Variants in ATF2 observed in about 807,000 individuals in gnomAD.
The protein encoded by ATF2 is cyclic AMP-dependent transcription factor ATF-2.
Under a neutral mutation model 60.6 loss-of-function variants are expected in ATF2, and 24 were observed. The ratio of observed to expected loss-of-function variants is 0.40; its 90% CI spans 0.29 to 0.56. ATF2 has a LOEUF of 0.56. Ranked by LOEUF, ATF2 falls within the 20% of genes least tolerant of loss-of-function variation. ATF2 has a pLI of 0.54. For synonymous variants in ATF2, 206 were observed against 215.4 expected, an observed-to-expected ratio of 0.96 and a Z score of 0.38; for missense variants, 433 against 607.7, an observed-to-expected ratio of 0.71 and a Z score of 3.02.
chr2:175,097,642 T>A (rs1004608070), intron 10 of ATF2, 49 bp from the exon 11 acceptor site: 1 of 1,592,812 alleles, frequency 6.3e-7, no homozygotes, highest in African/African-American at 1.3e-5. Context: ...TTAAAGATCA[T>A]CATGAATATC....
At chr2:175,113,001 C>G (rs1696305868) in intron 9 of ATF2, among the ~76,000 whole-genome samples, 1 of 152,016 alleles carries the variant, frequency 6.6e-6, no homozygotes, top group Non-Finnish European at 1.5e-5. Flanking sequence ...GTACCTAATG[C>G]TTGGTGTAAG....
chr2:175,138,966 T>C (rs62184515), intron 2 of ATF2, among the ~76,000 whole-genome samples: 5,834 of 152,322 alleles, frequency 0.038, 134 homozygotes, highest in Admixed American at 0.094. Context: ...TTATACAATA[T>C]TGTGCAAGGT....
intron 4 of ATF2, among the ~76,000 whole-genome samples, chr2:175,128,345 A>G (rs1697492035): frequency 6.6e-6 from 1 of 152,172 alleles, no homozygotes; most frequent in Non-Finnish European, 1.5e-5. Context: ...TACTAAAAAT[A>G]CAAAATTAGC....
At chr2:175,114,387 C>T in intron 8 of ATF2, 1 of 1,246,594 alleles carries the variant, frequency 8.0e-7, no homozygotes, top group Non-Finnish European at 1.0e-6. Context: ...TGGGAGCTAC[C>T]AGTAAGAACT....
chr2:175,114,662 T>C (rs1289544764), intron 8 of ATF2, 28 bp downstream of exon 8: 2 of 1,599,794 alleles, frequency 1.3e-6, no homozygotes, highest in African/African-American at 1.3e-5. Flanking sequence ...TTCATGTATA[T>C]GTTCAATGAT....
At chr2:175,137,116 G>A (rs1185706556) in intron 2 of ATF2, among the ~76,000 whole-genome samples, 3 of 152,130 alleles carry the variant, frequency 2.0e-5, no homozygotes, top group South Asian at 4.1e-4. Context: ...GAGGAAAATT[G>A]CATTTTTCAT....
chr2:175,086,631 A>C (rs761301932), intron 12 of ATF2, among the ~76,000 whole-genome samples: 1 of 151,894 alleles, frequency 6.6e-6, no homozygotes, highest in East Asian at 1.9e-4. Context: ...CTGGTCTTGA[A>C]CTCCCAGCCT....
chr2:175,145,959 AC>A (rs1698917228), intron 2 of ATF2, among the ~76,000 whole-genome samples: 1 of 152,236 alleles, frequency 6.6e-6, no homozygotes. Flanking sequence ...ATCTCCCTAT[AC>A]AGCTTAATTA....
chr2:175,125,623 T>C (rs1287259191), intron 4 of ATF2, among the ~76,000 whole-genome samples: 1 of 152,100 alleles, frequency 6.6e-6, no homozygotes, highest in Admixed American at 6.6e-5. Flanking sequence ...AGTAGACATA[T>C]ACAAAGGGTT....
At chr2:175,133,713 C>T (rs1450730045) in intron 3 of ATF2, among the ~76,000 whole-genome samples, 1 of 151,694 alleles carries the variant, frequency 6.6e-6, no homozygotes, top group Non-Finnish European at 1.5e-5. Context: ...AGATCATAGA[C>T]CTAAAAGTGA....
At chr2:175,153,552 T>C (rs184212920) in intron 1 of ATF2, among the ~76,000 whole-genome samples, 79 of 152,308 alleles carry the variant, frequency 5.2e-4, no homozygotes, top group African/African-American at 1.8e-3. Flanking sequence ...CTGGGTGCTG[T>C]GGCTCACACC....
intron 2 of ATF2, among the ~76,000 whole-genome samples, chr2:175,149,286 C>T (rs1263842063): frequency 3.3e-5 from 5 of 151,982 alleles, no homozygotes; most frequent in Admixed American, 6.6e-5. Context: ...AAGGTGGGGG[C>T]GGGGACACAA....
intron 11 of ATF2, 57 bp from the exon 12 acceptor site, chr2:175,093,324 T>C (rs1220639371): frequency 6.5e-7 from 1 of 1,547,734 alleles, no homozygotes; most frequent in Non-Finnish European, 8.8e-7. Context: ...TGAATTAACA[T>C]AGGCAGTAAA....
chr2:175,157,342 A>G (rs565477836), intron 1 of ATF2, among the ~76,000 whole-genome samples: 40 of 152,258 alleles, frequency 2.6e-4, no homozygotes, highest in Non-Finnish European at 4.9e-4. Context: ...TCATGTATCT[A>G]TGCAGTCTAT....
Position 175,084,684 on chromosome 2 carries a change from A to T in ATF2, c.1186-3919T>A, listed in dbSNP as rs568327098. ...TAAAAAAAAAAAGAATGCATAGGAAAATAAGTTAGGTGCCTATTTCTGGGT... is the reference window on the plus strand; with the variant it reads ...TAAAAAAAAAAAGAATGCATAGGAATATAAGTTAGGTGCCTATTTCTGGGT... On this transcript the variant is annotated intron_variant, in intron 12 of 13. Transcript: ENST00000264110. 2.6e-5 allele frequency among the ~76,000 whole-genome samples: 4 copies of T among 152,136 alleles called. No homozygotes were observed. The East Asian group carries it at 7.7e-4, about 29-fold the overall frequency.
chr2:175,081,877 CCT>C (rs1377506742), intron 12 of ATF2, among the ~76,000 whole-genome samples: 1 of 152,176 alleles, frequency 6.6e-6, no homozygotes, highest in African/African-American at 2.4e-5. Context: ...ATGGTGAAAC[CCT>C]GTCTCTACAA....
intron 7 of ATF2, 136 bp from the exon 8 acceptor site, chr2:175,115,004 TAAA>T: frequency 1.4e-6 from 1 of 714,944 alleles, no homozygotes; most frequent in Non-Finnish European, 2.1e-6. Flanking sequence ...TCAAATTAAT[TAAA>T]AGAACATTTT....
chr2:175,124,293 A>C (rs199840900), intron 4 of ATF2, among the ~76,000 whole-genome samples: 20 of 144,170 alleles, frequency 1.4e-4, no homozygotes, highest in African/African-American at 4.8e-4. Flanking sequence ...AAAAAAAAAA[A>C]GATTTTTTTT....
At chr2:175,132,706 T>C (rs1172706709) in intron 3 of ATF2, 5 of 152,198 alleles carry the variant, frequency 3.3e-5, no homozygotes, top group African/African-American at 4.8e-5. Context: ...AGTGAAGCTA[T>C]CTGAGCCTGG....
Sources: allele counts gnomAD v4.1 joint callset (sites outside exome capture counted in the v4.1 genomes callset), GRCh38; gene constraint gnomAD v4.1.1; transcripts MANE v1.5; gene names NCBI Gene and HGNC (gene_info 2026-07-23, HGNC 2026-07-21).